CSMD1: variants seen among roughly 807,000 people sequenced by gnomAD.
CSMD1 encodes the protein CUB and Sushi multiple domains 1.
CSMD1 carries 213 observed loss-of-function variants against 417.5 expected under a neutral mutation model. The ratio of observed to expected loss-of-function variants is 0.51; its 90% CI spans 0.46 to 0.57. The LOEUF is 0.57. Among genes scored for constraint, CSMD1 ranks in the 20% least tolerant of loss-of-function variants. The pLI is 0.00. For missense variants in CSMD1, 6,923 were observed against 4,529.7 expected (o/e 1.53, Z -15.17); for synonymous variants, 2,862 against 1,736.8 (o/e 1.65, Z -16.11).
Position 3,708,004 on chromosome 8 carries a change from G to C in CSMD1, c.1009+410C>G, listed in dbSNP as rs138006175. Among the ~76,000 whole-genome samples the C allele has an allele frequency of 2.0e-4, 31 of 152,296 alleles. No individual in the cohort carries two copies. In the East Asian group the frequency reaches 5.8e-3, roughly 29 times the overall value. ...TGCCCGAAAGCTACTTTACTCTCCA[G>C]GCAGTGAATGGTCAATAATATTTCA... On this transcript the variant is annotated intron_variant, in intron 7 of 69. Coordinates refer to ENST00000635120, the MANE Select transcript of CSMD1 (RefSeq NM_033225.6).
intron 1 of CSMD1, among the ~76,000 whole-genome samples, chr8:4,851,168 T>C (rs1473062247): frequency 7.0e-6 from 1 of 142,614 alleles, no homozygotes; most frequent in Non-Finnish European, 1.5e-5. Context: ...TATTATTCAA[T>C]TCCCACCTAT....
At chr8:3,911,095 T>C (rs1005597849) in intron 5 of CSMD1, among the ~76,000 whole-genome samples, 2 of 152,192 alleles carry the variant, frequency 1.3e-5, no homozygotes, top group Non-Finnish European at 2.9e-5. Flanking sequence ...TCAAATCACC[T>C]TGGCAGCTGT....
intron 51 of CSMD1, among the ~76,000 whole-genome samples, 166 bp from the exon 52 acceptor site, chr8:3,018,816 T>A (rs1248760400): frequency 6.6e-6 from 1 of 152,196 alleles, no homozygotes; most frequent in Non-Finnish European, 1.5e-5. Context: ...GATAGACCAG[T>A]CACTTAAGAA....
intron 12 of CSMD1, among the ~76,000 whole-genome samples, chr8:3,459,243 G>A (rs969152888): frequency 1.3e-5 from 2 of 152,218 alleles, no homozygotes; most frequent in African/African-American, 2.4e-5. Context: ...ACAGGTGCAC[G>A]AAGAGGCTGA....
chr8:4,935,078 C>A (rs950122766), intron 1 of CSMD1, among the ~76,000 whole-genome samples: 2 of 152,198 alleles, frequency 1.3e-5, no homozygotes, highest in Non-Finnish European at 2.9e-5. Context: ...TCCCATATCA[C>A]AACAGGCCCC....
chr8:4,403,164 A>T (rs904611717), intron 3 of CSMD1, among the ~76,000 whole-genome samples: 2 of 152,142 alleles, frequency 1.3e-5, no homozygotes, highest in African/African-American at 4.8e-5. Context: ...TTCCACTTTT[A>T]CATAAGACAT....
intron 10 of CSMD1, among the ~76,000 whole-genome samples, chr8:3,550,550 C>A (rs915264409): frequency 6.6e-6 from 1 of 152,190 alleles, no homozygotes; most frequent in African/African-American, 2.4e-5. Flanking sequence ...TTAGCACATC[C>A]AGCATCTCAA....
chr8:3,772,167 C>CATATATATAT (rs375018980), intron 5 of CSMD1, among the ~76,000 whole-genome samples: 877 of 44,818 alleles, frequency 0.02, 78 homozygotes, highest in South Asian at 0.082. Flanking sequence ...GAAAGGGCAA[C>CATATATATAT]ATATATATAT....
At chr8:3,227,053 A>C (rs2116888534) in intron 27 of CSMD1, among the ~76,000 whole-genome samples, 1 of 152,268 alleles carries the variant, frequency 6.6e-6, no homozygotes, top group South Asian at 2.1e-4. Flanking sequence ...AGAAAACATT[A>C]ATAAATATAT....
At chr8:3,096,083 C>A (rs532936218) in intron 47 of CSMD1, among the ~76,000 whole-genome samples, 1 of 151,978 alleles carries the variant, frequency 6.6e-6, no homozygotes, top group Admixed American at 6.6e-5. Flanking sequence ...CCTAAAATAT[C>A]TTGTGAATTG....
intron 2 of CSMD1, among the ~76,000 whole-genome samples, chr8:4,435,071 G>T (rs1461544396): frequency 6.6e-6 from 1 of 152,040 alleles, no homozygotes; most frequent in African/African-American, 2.4e-5. Flanking sequence ...TAATATATCG[G>T]TGTAATAAAA....
intron 5 of CSMD1, among the ~76,000 whole-genome samples, chr8:3,864,099 T>C (rs551407655): frequency 6.6e-6 from 1 of 152,128 alleles, no homozygotes; most frequent in Admixed American, 6.6e-5. Flanking sequence ...TATTTTCACC[T>C]GATTTTTAAA....
At chr8:3,755,188 C>T (rs1408305285) in intron 5 of CSMD1, among the ~76,000 whole-genome samples, 1 of 152,112 alleles carries the variant, frequency 6.6e-6, no homozygotes, top group Admixed American at 6.5e-5. Flanking sequence ...GTGGCATAAG[C>T]ATCACTGGAT....
At chr8:3,730,660 C>G (rs1273833248) in intron 6 of CSMD1, among the ~76,000 whole-genome samples, 1 of 152,168 alleles carries the variant, frequency 6.6e-6, no homozygotes, top group Non-Finnish European at 1.5e-5. Context: ...GACAGATTGA[C>G]CTTCACCAGC....
intron 1 of CSMD1, among the ~76,000 whole-genome samples, chr8:4,813,247 T>C (rs1389209649): frequency 6.6e-6 from 1 of 152,044 alleles, no homozygotes. Context: ...AAATCAAACA[T>C]GAAATGCTTG....
At position 3,219,268 on chromosome 8, in the gene CSMD1, G is replaced by A. The variant is rs766764847; in HGVS notation, c.4659C>T (p.Ala1553=). ...SDASVGLSGF[A]IEFKEKPREA... ...CAATCGCAATACCTTTAAATTCAAT[G>A]GCGAACCCTGAAAGGCCCACGGAGG... The change falls in exon 29 of 70, where the codon GCC becomes GCT. Residue 1553 remains alanine, a synonymous_variant. Coordinates refer to ENST00000635120, the MANE Select transcript of CSMD1 (RefSeq NM_033225.6). The A allele has an allele frequency of 1.1e-5, 18 of 1,592,016 alleles. No individual in the cohort carries two copies. The highest frequency in any genetic ancestry group is 1.5e-5 in the Non-Finnish European group (17 of 1,168,246).
chr8:4,949,324 G>A (rs1808580740), intron 1 of CSMD1, among the ~76,000 whole-genome samples: 1 of 151,948 alleles, frequency 6.6e-6, no homozygotes, highest in Non-Finnish European at 1.5e-5. Flanking sequence ...AGTTATTTTG[G>A]CCTCATTAAC....
intron 1 of CSMD1, among the ~76,000 whole-genome samples, chr8:4,831,888 G>A (rs56005227): frequency 0.16 from 24,717 of 151,996 alleles, 2,620 homozygotes; most frequent in Non-Finnish European, 0.23. Flanking sequence ...GGATGAAGAG[G>A]AAGCAGCTGA....
intron 18 of CSMD1, among the ~76,000 whole-genome samples, chr8:3,372,653 G>T (rs1810039694): frequency 6.6e-6 from 1 of 152,136 alleles, no homozygotes; most frequent in Non-Finnish European, 1.5e-5. Flanking sequence ...ATAACTACAG[G>T]TGAAGGAGAT....
Sources: allele counts gnomAD v4.1 joint callset (sites outside exome capture counted in the v4.1 genomes callset), GRCh38; gene constraint gnomAD v4.1.1; transcripts MANE v1.5; gene names NCBI Gene and HGNC (gene_info 2026-07-23, HGNC 2026-07-21).